The following EXOC6B variants were observed in gnomAD, a reference collection of about 807,000 sequenced individuals.
EXOC6B encodes the protein exocyst complex component 6B.
A neutral mutation model predicts 113.5 loss-of-function variants in EXOC6B; 54 were observed. That is an observed-to-expected ratio of 0.48 (90% CI 0.38 to 0.60). The LOEUF (loss-of-function observed/expected upper bound fraction) is 0.60, where lower values mean the gene tolerates loss of function less well. Ranked by LOEUF, EXOC6B falls within the 20% of genes least tolerant of loss-of-function variation. The pLI is 0.00. For missense variants in EXOC6B, 797 were observed against 977.5 expected (o/e 0.82, Z 2.46); for synonymous variants, 357 against 339.0 (o/e 1.05, Z -0.58).
chr2:72,607,039 C>T (rs1573476674), intron 6 of EXOC6B, among the ~76,000 whole-genome samples: 1 of 152,218 alleles, frequency 6.6e-6, no homozygotes, highest in South Asian at 2.1e-4. Context: ...CCTTATTAAA[C>T]TCATGATATT....
At chr2:72,785,741 G>C (rs1385623951) in intron 1 of EXOC6B, among the ~76,000 whole-genome samples, 2 of 152,238 alleles carry the variant, frequency 1.3e-5, no homozygotes, top group Non-Finnish European at 2.9e-5. Flanking sequence ...CTGGGCCTAT[G>C]GGCCTGTGAT....
At chr2:72,633,202 G>A (rs1350604163) in intron 6 of EXOC6B, among the ~76,000 whole-genome samples, 1 of 152,174 alleles carries the variant, frequency 6.6e-6, no homozygotes. Context: ...TCAGGTGGAG[G>A]CACGAGGATT....
chr2:72,671,779 G>GAAAGAAAGAA (rs1553464023), intron 6 of EXOC6B, among the ~76,000 whole-genome samples: 40 of 103,490 alleles, frequency 3.9e-4, no homozygotes, highest in African/African-American at 1.8e-3. Context: ...AAGAAAGAAA[G>GAAAGAAAGAA]AAAGAAAGAA....
chr2:72,583,387 C>A (rs1014330760), intron 6 of EXOC6B, among the ~76,000 whole-genome samples: 3 of 152,116 alleles, frequency 2.0e-5, no homozygotes, highest in African/African-American at 7.2e-5. Context: ...ACATGAACAT[C>A]ATCAAGGCAT....
At chr2:72,292,960 G>A (rs983938462) in intron 20 of EXOC6B, among the ~76,000 whole-genome samples, 13 of 152,106 alleles carry the variant, frequency 8.5e-5, no homozygotes, top group Non-Finnish European at 2.9e-5. Flanking sequence ...ATTGTTTCCA[G>A]TATTTGGCCA....
chr2:72,499,032 T>C (rs2105584172), intron 12 of EXOC6B, among the ~76,000 whole-genome samples: 1 of 152,184 alleles, frequency 6.6e-6, no homozygotes, highest in South Asian at 2.1e-4. Flanking sequence ...TAAGAACATT[T>C]TGAAAAACTA....
rs1242504116 is a variant in EXOC6B, at chr2:72,531,815, C to A, written c.916-16689G>T. Among the ~76,000 whole-genome samples, 5 of 152,140 alleles carry A rather than the reference C, an allele frequency of 3.3e-5. No homozygotes were observed. In the East Asian group the frequency reaches 9.7e-4, roughly 29 times the overall value. ...CCTGGCCAACATGGTGAAACCCTGTCTCTACTAAAAATACAAAAATTAGCC... is the reference window on the plus strand; with the variant it reads ...CCTGGCCAACATGGTGAAACCCTGTATCTACTAAAAATACAAAAATTAGCC... On this transcript the variant is annotated intron_variant, in intron 8 of 21. Coordinates refer to ENST00000272427, the MANE Select transcript of EXOC6B (RefSeq NM_015189.3).
intron 19 of EXOC6B, among the ~76,000 whole-genome samples, chr2:72,368,402 C>T (rs543388003): frequency 6.6e-6 from 1 of 152,050 alleles, no homozygotes; most frequent in African/African-American, 2.4e-5. Context: ...AGTCCAGGAC[C>T]AGAGGGATTC....
At chr2:72,259,006 G>T (rs1292281068) in intron 20 of EXOC6B, among the ~76,000 whole-genome samples, 3 of 152,084 alleles carry the variant, frequency 2.0e-5, no homozygotes, top group African/African-American at 4.8e-5. Context: ...ATTTTATCAT[G>T]ATACAGAGTT....
chr2:72,734,620 AC>A (rs1465028237), intron 2 of EXOC6B, among the ~76,000 whole-genome samples: 1 of 152,192 alleles, frequency 6.6e-6, no homozygotes, highest in East Asian at 1.9e-4. Flanking sequence ...TTCCGATAAA[AC>A]TTTATTTACA....
At chr2:72,532,368 T>C (rs780885361) in intron 8 of EXOC6B, among the ~76,000 whole-genome samples, 2 of 152,216 alleles carry the variant, frequency 1.3e-5, no homozygotes, top group Non-Finnish European at 2.9e-5. Flanking sequence ...GAGAGTATGG[T>C]AAAACCATAC....
chr2:72,726,762 C>T (rs1680321514), intron 5 of EXOC6B, among the ~76,000 whole-genome samples: 1 of 151,976 alleles, frequency 6.6e-6, no homozygotes, highest in Non-Finnish European at 1.5e-5. Context: ...TTTAAAGACT[C>T]ATTGTAAGTC....
chr2:72,282,895 C>T (rs1339612205), intron 20 of EXOC6B, among the ~76,000 whole-genome samples: 2 of 151,956 alleles, frequency 1.3e-5, no homozygotes, highest in African/African-American at 2.4e-5. Context: ...AGTAACATAG[C>T]ATTAATATAT....
chr2:72,534,570 T>C (rs1702177307), intron 8 of EXOC6B, among the ~76,000 whole-genome samples: 1 of 152,134 alleles, frequency 6.6e-6, no homozygotes, highest in Non-Finnish European at 1.5e-5. Context: ...AAGAGGCAAC[T>C]TTACGTACGC....
At chr2:72,346,395 T>G (rs575053766) in intron 19 of EXOC6B, among the ~76,000 whole-genome samples, 5 of 152,160 alleles carry the variant, frequency 3.3e-5, no homozygotes, top group Non-Finnish European at 7.4e-5. Flanking sequence ...CTAATGTTAA[T>G]GACAACATAC....
chr2:72,636,331 G>GGAA (rs1672820159), intron 6 of EXOC6B, among the ~76,000 whole-genome samples: 2 of 80,876 alleles, frequency 2.5e-5, no homozygotes, highest in East Asian at 5.3e-4. Flanking sequence ...GAGGGAAGGA[G>GGAA]GGAAGGAAGG....
At chr2:72,191,633 A>G (rs953021061) in intron 20 of EXOC6B, among the ~76,000 whole-genome samples, 4 of 152,212 alleles carry the variant, frequency 2.6e-5, no homozygotes, top group Non-Finnish European at 5.9e-5. Context: ...AAGACTAGAA[A>G]AATCCAAACA....
At chr2:72,578,437 T>C (rs1705008189) in intron 6 of EXOC6B, among the ~76,000 whole-genome samples, 2 of 152,120 alleles carry the variant, frequency 1.3e-5, no homozygotes, top group African/African-American at 4.8e-5. Flanking sequence ...TGGGTAAATT[T>C]CCACTTCTAT....
At chr2:72,264,526 A>G (rs1683932351) in intron 20 of EXOC6B, among the ~76,000 whole-genome samples, 1 of 152,146 alleles carries the variant, frequency 6.6e-6, no homozygotes, top group Non-Finnish European at 1.5e-5. Flanking sequence ...AGCCAAGATC[A>G]TGCCATTGCA....
Sources: allele counts gnomAD v4.1 joint callset (sites outside exome capture counted in the v4.1 genomes callset), GRCh38; gene constraint gnomAD v4.1.1; transcripts MANE v1.5; gene names NCBI Gene and HGNC (gene_info 2026-07-23, HGNC 2026-07-21).